PRKN: variants seen among roughly 807,000 people sequenced by gnomAD.
PRKN encodes the protein parkin RBR E3 ubiquitin protein ligase.
In PRKN, 56 loss-of-function variants were observed where a neutral mutation model predicts 59.5. The ratio of observed to expected loss-of-function variants is 0.94; its 90% CI spans 0.76 to 1.18. The LOEUF is 1.18. PRKN is among the 50% of genes most tolerant of loss of function. The pLI, the probability that PRKN is intolerant of heterozygous loss-of-function variation, is 0.00. For missense variants in PRKN, 657 were observed against 596.4 expected (o/e 1.10, Z -1.06); for synonymous variants, 250 against 222.1 (o/e 1.13, Z -1.12).
intron 4 of PRKN, among the ~76,000 whole-genome samples, chr6:162,144,664 T>C (rs1044373056): frequency 1.3e-5 from 2 of 152,182 alleles, no homozygotes; most frequent in African/African-American, 4.8e-5. Context: ...AATGACAGCT[T>C]ACATAGTTGA....
At chr6:162,011,042 AT>A (rs1379266412) in intron 5 of PRKN, among the ~76,000 whole-genome samples, 8 of 5,172 alleles carry the variant, frequency 1.5e-3, no homozygotes, top group Admixed American at 5.9e-3. Flanking sequence ...TATAATATAT[AT>A]TTATAATATA....
chr6:161,369,573 C>T lies in PRKN; in HGVS notation c.1168-9368G>A, dbSNP rs767944891. The stretch of plus-strand genomic sequence containing the variant: ...ATTGTGCAATAAAGTGTGGCTCTCA[C>T]GGGGCAGTGTAACTGTTAGGTAATT... On this transcript the variant is annotated intron_variant, in intron 10 of 11. Transcript: ENST00000366898. The surrounding 1 kb of genome is among the most constrained non-coding windows in gnomAD (Gnocchi z 5.8). 7.9e-5 allele frequency among the ~76,000 whole-genome samples: 12 copies of T among 152,078 alleles called. No homozygotes were observed. Among genetic ancestry groups the T allele is most frequent in the East Asian group, 1.9e-4 (1 of 5,182 alleles).
At chr6:161,586,842 A>C (rs1045376621) in intron 7 of PRKN, among the ~76,000 whole-genome samples, 1 of 152,234 alleles carries the variant, frequency 6.6e-6, no homozygotes, top group African/African-American at 2.4e-5. Flanking sequence ...CAAAGTGCCA[A>C]GGGACTGATT....
At position 161,560,233 on chromosome 6, in the gene PRKN, T is replaced by G. The variant is rs185785124; in HGVS notation, c.933+9122A>C. On this transcript the variant is annotated intron_variant, in intron 8 of 11. Transcript: ENST00000366898. The surrounding 1 kb of genome is among the most constrained non-coding windows in gnomAD (Gnocchi z 4.9). Reference sequence around the variant, plus strand: ...CCTGTATAATCAGCCTTTTGAAAGGTTTCCCTGTCCACACTGACTTAACTG... The same window carrying G: ...CCTGTATAATCAGCCTTTTGAAAGGGTTCCCTGTCCACACTGACTTAACTG... 6.6e-6 allele frequency among the ~76,000 whole-genome samples: 1 copy of G among 152,230 alleles called. No individual in the cohort carries two copies. Among genetic ancestry groups the G allele is most frequent in the Admixed American group, 6.5e-5 (1 of 15,290 alleles).
chr6:162,034,880 C>G (rs1052728112), intron 5 of PRKN, among the ~76,000 whole-genome samples: 36 of 152,244 alleles, frequency 2.4e-4, no homozygotes, highest in Admixed American at 1.9e-3. Context: ...GAATAACAGC[C>G]GAGAGCTTAC....
intron 8 of PRKN, among the ~76,000 whole-genome samples, chr6:161,565,622 C>A (rs574979961): frequency 6.6e-6 from 1 of 152,310 alleles, no homozygotes; most frequent in African/African-American, 2.4e-5. Flanking sequence ...CCTTCGCCTT[C>A]CGTCATGATT....
intron 7 of PRKN, among the ~76,000 whole-genome samples, chr6:161,748,861 G>C (rs1205251272): frequency 1.4e-4 from 22 of 152,178 alleles, no homozygotes; most frequent in Non-Finnish European, 1.5e-5. Flanking sequence ...AGAGGGGATA[G>C]CTGCTTTGCT....
chr6:162,163,922 C>G (rs1198681884), intron 4 of PRKN, among the ~76,000 whole-genome samples: 1 of 149,062 alleles, frequency 6.7e-6, no homozygotes, highest in Non-Finnish European at 1.5e-5. Flanking sequence ...CCCCACTGCT[C>G]TAGAAGAATA....
chr6:162,236,517 T>TGGC (rs1047937003), intron 3 of PRKN, among the ~76,000 whole-genome samples: 4 of 151,974 alleles, frequency 2.6e-5, no homozygotes, highest in Admixed American at 6.6e-5. Flanking sequence ...CTTGGTGTGG[T>TGGC]GGCTCACGCC....
intron 7 of PRKN, among the ~76,000 whole-genome samples, chr6:161,754,904 C>T (rs1788850034): frequency 6.6e-6 from 1 of 152,146 alleles, no homozygotes; most frequent in South Asian, 2.1e-4. Flanking sequence ...CAAACTTTTT[C>T]ACCCAAACAA....
intron 11 of PRKN, among the ~76,000 whole-genome samples, chr6:161,358,173 T>C (rs566494922): frequency 2.0e-5 from 3 of 152,284 alleles, no homozygotes; most frequent in African/African-American, 4.8e-5. Flanking sequence ...GTTAGTCCTT[T>C]AGGATAGATT....
At position 162,262,650 on chromosome 6, in the gene PRKN, T is replaced by C; in HGVS notation, c.287A>G (p.Glu96Gly). 1 of 1,613,806 alleles carries C rather than the reference T, an allele frequency of 6.2e-7. No homozygotes were observed. Among genetic ancestry groups the C allele is most frequent in the Non-Finnish European group, 8.5e-7 (1 of 1,179,978 alleles). ...CCGAGTCAAGCTCTGGGGCTCCCGC[T>C]CACAGCCTCCCGCCGCGTTTCTGGG... The part of the protein sequence containing the change: ...DDPRNAAGGC[E>G]REPQSLTRVD... The change falls in exon 3 of 12, where the codon GAG becomes GGG. Residue 96 changes from glutamate to glycine, a missense_variant. By Grantham distance (98) the Glu-to-Gly change is moderately conservative. Coordinates refer to ENST00000366898, the MANE Select transcript of PRKN (RefSeq NM_004562.3).
chr6:162,354,359 C>T (rs564664096), intron 2 of PRKN, among the ~76,000 whole-genome samples: 11 of 152,142 alleles, frequency 7.2e-5, no homozygotes, highest in South Asian at 2.1e-4. Context: ...AATAAAATTG[C>T]GTCACAAAGC....
chr6:161,390,494 T>G lies in PRKN; in HGVS notation c.1084-3617A>C, dbSNP rs1786457933. On this transcript the variant is annotated intron_variant, in intron 9 of 11. Coordinates refer to ENST00000366898, the MANE Select transcript of PRKN (RefSeq NM_004562.3). This position sits in a 1 kb window ranked among gnomAD's most constrained non-coding sequence, Gnocchi z 7.0. ...TGGAACAAAGATGTGATTTATTTAT[T>G]TATTTATTTATTGAGACAGAGTCTT... is the stretch of plus-strand genomic sequence containing the variant. Among the ~76,000 whole-genome samples the G allele has an allele frequency of 6.6e-6, 1 of 152,164 alleles. No homozygotes were observed. Among genetic ancestry groups the G allele is most frequent in the Admixed American group, 6.5e-5 (1 of 15,272 alleles).
rs941547275 is a variant in PRKN at position 161,457,997 on chromosome 6, C to A, written c.1084-71120G>T. Among the ~76,000 whole-genome samples, 5 of 152,088 alleles carry A rather than the reference C, an allele frequency of 3.3e-5. No individual in the cohort carries two copies. The highest frequency in any genetic ancestry group is 1.2e-4 in the African/African-American group (5 of 41,410). On this transcript the variant is annotated intron_variant, in intron 9 of 11. Coordinates refer to ENST00000366898, the MANE Select transcript of PRKN (RefSeq NM_004562.3). The surrounding 1 kb of genome is among the most constrained non-coding windows in gnomAD (Gnocchi z 5.0). ...AGCTGAACTGTCATGCAGACAATGA[C>A]CGCCTTCTGATTTACTTGGGCTGCT...
At position 161,665,260 on chromosome 6, in the gene PRKN, G is replaced by A. The variant is rs554395864; in HGVS notation, c.872-95844C>T. 2.6e-5 allele frequency among the ~76,000 whole-genome samples: 4 copies of A among 151,710 alleles called. No homozygotes were observed. In the South Asian group the frequency reaches 8.3e-4, roughly 32 times the overall value. On this transcript the variant is annotated intron_variant, in intron 7 of 11. Coordinates refer to ENST00000366898, the MANE Select transcript of PRKN (RefSeq NM_004562.3). Reference sequence around the variant, plus strand: ...ATCTGGGATATGGCTATTTTTTTCTGTTGAAAAACCAAAAAAGGCCAACTC... The same window carrying A: ...ATCTGGGATATGGCTATTTTTTTCTATTGAAAAACCAAAAAAGGCCAACTC...
chr6:161,478,460 CAT>C (rs545280976), intron 9 of PRKN, among the ~76,000 whole-genome samples: 25 of 152,322 alleles, frequency 1.6e-4, no homozygotes, highest in African/African-American at 5.8e-4. Flanking sequence ...TATAGTTACA[CAT>C]GTGATAATTG....
chr6:162,299,804 A>G (rs1161516125), intron 2 of PRKN, among the ~76,000 whole-genome samples: 1 of 152,168 alleles, frequency 6.6e-6, no homozygotes, highest in Non-Finnish European at 1.5e-5. Context: ...GGTGTTCAAA[A>G]GACATCTGTA....
intron 1 of PRKN, among the ~76,000 whole-genome samples, chr6:162,631,786 T>G (rs900132249): frequency 1.3e-5 from 2 of 152,092 alleles, no homozygotes; most frequent in Non-Finnish European, 2.9e-5. Flanking sequence ...GACTAGAGTA[T>G]TTCCTAAGTT....
Sources: gnomAD v4.1 joint callset for allele counts (sites outside exome capture counted in the v4.1 genomes callset) on GRCh38, gnomAD v4.1.1 for gene constraint, Gnocchi (gnomAD v3.1) non-coding constraint, MANE v1.5 for transcripts, NCBI Gene and HGNC (gene_info 2026-07-23, HGNC 2026-07-21) for gene names.